MADCAM1: variants seen among roughly 807,000 people sequenced by gnomAD.
MADCAM1 encodes the protein mucosal vascular addressin cell adhesion molecule 1, also known as mucosal addressin cell adhesion molecule 1.
A neutral mutation model predicts 26.1 loss-of-function variants in MADCAM1; 19 were observed. The ratio of observed to expected loss-of-function variants is 0.73; its 90% CI spans 0.51 to 1.07. MADCAM1 has a LOEUF of 1.07. MADCAM1 is among the 50% of genes least tolerant of loss of function. The pLI is 0.00. For missense variants in MADCAM1, 514 were observed against 542.1 expected, an observed-to-expected ratio of 0.95 and a Z score of 0.51; for synonymous variants, 268 against 260.9, an observed-to-expected ratio of 1.03 and a Z score of -0.26.
intron 1 of MADCAM1, among the ~76,000 whole-genome samples, chr19:497,578 C>G (rs1978291640): frequency 6.6e-6 from 1 of 151,452 alleles, no homozygotes; most frequent in African/African-American, 2.4e-5. Flanking sequence ...TCCGCGCGGC[C>G]CCCTGACCCG....
rs1978293584 is a variant in MADCAM1, at chr19:497,968, T to C, written c.188T>C (p.Leu63Pro). ...DRGASVQWRG[L>P]DTSLGAVQSD... ...GGGGCCTCGGTGCAGTGGCGGGGCC[T>C]GGACACCAGCCTGGGCGCGGTGCAG... is the stretch of plus-strand genomic sequence containing the variant. Residue 63 changes from leucine (L) to proline (P), a missense_variant, in exon 2 of 5, where the codon CTG becomes CCG. By Grantham distance (98) the Leu-to-Pro change is moderately conservative. Around this residue, in one of 3 missense-constraint regions of MADCAM1, gnomAD observed 317 missense variants for 313.6 expected, o/e 1.01. Coordinates refer to ENST00000215637, the MANE Select transcript of MADCAM1 (RefSeq NM_130760.3). The C allele has an allele frequency of 2.0e-6, 3 of 1,493,662 alleles. No individual in the cohort carries two copies. Among genetic ancestry groups the C allele is most frequent in the African/African-American group, 2.9e-5 (2 of 69,230 alleles). 92.5% of individuals were successfully genotyped at this position (1,493,662 alleles called of 1,614,324 possible).
intron 4 of MADCAM1, among the ~76,000 whole-genome samples, chr19:502,994 T>G (rs1456096835): frequency 6.6e-6 from 1 of 152,214 alleles, no homozygotes; most frequent in South Asian, 2.1e-4. Flanking sequence ...AGCTAAGACT[T>G]CCCTGGGACT....
chr19:500,734 G>C (rs1265898216), intron 3 of MADCAM1, among the ~76,000 whole-genome samples: 2 of 152,170 alleles, frequency 1.3e-5, no homozygotes, highest in Non-Finnish European at 2.9e-5. Flanking sequence ...GCCTGGCGTG[G>C]TGGTGAGCGC....
chr19:504,606 G>T (rs951848889), intron 4 of MADCAM1, 139 bp from the exon 5 acceptor site: 2 of 652,274 alleles, frequency 3.1e-6, no homozygotes, highest in East Asian at 5.2e-5. Context: ...TTTCAAAAGG[G>T]TCATGGTAAA....
intron 3 of MADCAM1, 33 bp from the exon 4 acceptor site, chr19:501,634 CAG>C: frequency 1.3e-6 from 2 of 1,551,734 alleles, no homozygotes; most frequent in Non-Finnish European, 1.7e-6. Context: ...CCTGGGGCAG[CAG>C]AGAGGAAAAA....
At chr19:503,948 G>C (rs1464039062) in intron 4 of MADCAM1, among the ~76,000 whole-genome samples, 5 of 151,792 alleles carry the variant, frequency 3.3e-5, no homozygotes, top group Admixed American at 6.6e-5. Context: ...AGGATTACTC[G>C]GGAGGCTGAA....
At chr19:504,631 T>A in intron 4 of MADCAM1, 114 bp from the exon 5 acceptor site, 1 of 725,440 alleles carries the variant, frequency 1.4e-6, no homozygotes, top group East Asian at 2.5e-5. Flanking sequence ...TTTGTGAAAT[T>A]TCAGGGAACG....
chr19:504,907 A>G lies in MADCAM1; in HGVS notation c.1091A>G (p.Gln364Arg), dbSNP rs765512380. 1 of 1,612,422 alleles carries G rather than the reference A, an allele frequency of 6.2e-7. No homozygotes were observed. Among genetic ancestry groups the G allele is most frequent in the Admixed American group, 1.7e-5 (1 of 59,996 alleles). ...HPPASLRLLP[Q>R]VSAWAGLRGT... ...CCAGCTTCTCTGAGGCTTCTGCCCC[A>G]GGTGTCGGCCTGGGCTGGGTTAAGG... is the stretch of plus-strand genomic sequence containing the variant. Residue 364 changes from glutamine to arginine, a missense_variant, in exon 5 of 5, where the codon CAG becomes CGG. By Grantham distance (43) the Gln-to-Arg change is conservative (BLOSUM62 1). Coordinates refer to ENST00000215637, the MANE Select transcript of MADCAM1 (RefSeq NM_130760.3).
Sources: allele counts gnomAD v4.1 joint callset (sites outside exome capture counted in the v4.1 genomes callset), GRCh38; gene constraint gnomAD v4.1.1; regional missense constraint gnomAD v4.1.1; transcripts MANE v1.5; gene names NCBI Gene and HGNC (gene_info 2026-07-23, HGNC 2026-07-21).